PPM1E: variants seen among roughly 807,000 people sequenced by gnomAD.
PPM1E encodes protein phosphatase, Mg2+/Mn2+ dependent 1E.
Under a neutral mutation model 65.9 loss-of-function variants are expected in PPM1E, and 20 were observed. The ratio of observed to expected loss-of-function variants is 0.30; its 90% CI spans 0.21 to 0.44. PPM1E has a LOEUF of 0.44. Among genes scored for constraint, PPM1E ranks in the 20% least tolerant of loss-of-function variants. The pLI, the probability that PPM1E is intolerant of heterozygous loss-of-function variation, is 1.00. For synonymous variants in PPM1E, 352 were observed against 374.9 expected, an observed-to-expected ratio of 0.94 and a Z score of 0.70; for missense variants, 713 against 953.1, an observed-to-expected ratio of 0.75 and a Z score of 3.32.
chr17:58,870,873 C>G (rs2051061728), intron 1 of PPM1E, among the ~76,000 whole-genome samples: 1 of 152,058 alleles, frequency 6.6e-6, no homozygotes, highest in South Asian at 2.1e-4. Flanking sequence ...CTTGAATGAC[C>G]AAACAACTTA....
At chr17:58,922,027 G>A (rs1334207248) in intron 1 of PPM1E, among the ~76,000 whole-genome samples, 6 of 149,810 alleles carry the variant, frequency 4.0e-5, no homozygotes, top group African/African-American at 9.9e-5. Context: ...GCAACAGAGC[G>A]AGACTCCATC....
At chr17:58,762,473 AG>A (rs973091358) in intron 1 of PPM1E, among the ~76,000 whole-genome samples, 2 of 152,044 alleles carry the variant, frequency 1.3e-5, no homozygotes, top group African/African-American at 4.8e-5. Flanking sequence ...AAAAAAAAAA[AG>A]TTTCTATGAC....
intron 1 of PPM1E, among the ~76,000 whole-genome samples, chr17:58,948,378 T>C (rs1018992136): frequency 2.0e-5 from 3 of 152,174 alleles, no homozygotes; most frequent in Non-Finnish European, 4.4e-5. Context: ...AATCCCATTA[T>C]GGTATTAGGC....
chr17:58,922,750 T>C (rs1221365883), intron 1 of PPM1E, among the ~76,000 whole-genome samples: 2 of 150,496 alleles, frequency 1.3e-5, no homozygotes, highest in African/African-American at 4.9e-5. Flanking sequence ...AGTGGTGCGA[T>C]CTCGGCTCAC....
Position 58,981,888 on chromosome 17 carries a change from TACACTATA to T in PPM1E, c.*858_*865del, listed in dbSNP as rs2031374520. The T allele has an allele frequency of 1.3e-5, 2 of 152,666 alleles. No individual in the cohort carries two copies. Among genetic ancestry groups the T allele is most frequent in the East Asian group, 3.8e-4 (2 of 5,204 alleles). 9.5% of individuals were successfully genotyped at this position (152,666 alleles called of 1,614,324 possible). A position where few individuals can be genotyped will look rare whatever the true frequency, so the allele number is the denominator to read the frequency against. ...TAACGGAGATGATGTCAGGTACAAATACACTATAGAGTCAAAATACCATTTACAAAGAA... is the reference window on the plus strand; with the variant it reads ...TAACGGAGATGATGTCAGGTACAAATGAGTCAAAATACCATTTACAAAGAA... On this transcript the variant is annotated 3_prime_UTR_variant, in exon 7 of 7. Transcript: ENST00000308249.
chr17:58,816,735 AATATAAATATATATATATATATATATAT>A (rs1567841943), intron 1 of PPM1E, among the ~76,000 whole-genome samples: 29 of 111,812 alleles, frequency 2.6e-4, no homozygotes, highest in Non-Finnish European at 3.6e-4. Flanking sequence ...CATGTATCAG[AATATAAATATATATATATATATATATAT>A]ATATATATAT....
rs557440997 is a variant in PPM1E, at chr17:58,932,460, C to T, written c.465-23189C>T. Among the ~76,000 whole-genome samples the T allele has an allele frequency of 3.3e-5, 5 of 152,078 alleles. No individual in the cohort carries two copies. In the East Asian group the frequency reaches 5.8e-4, roughly 18 times the overall value. On this transcript the variant is annotated intron_variant, in intron 1 of 6. Transcript: ENST00000308249. Reference sequence around the variant, plus strand: ...CTCCAGCCTAGGCAACAGAGCAAGACGCTGTCTCAAAAACAAACAAACCAC... The same window carrying T: ...CTCCAGCCTAGGCAACAGAGCAAGATGCTGTCTCAAAAACAAACAAACCAC...
At chr17:58,785,323 T>A (rs1196751944) in intron 1 of PPM1E, 3 of 125,756 alleles carry the variant, frequency 2.4e-5, no homozygotes, top group Non-Finnish European at 4.7e-5. Flanking sequence ...TTATTTATTT[T>A]GAGACAGAGT....
At chr17:58,794,043 A>G (rs909041473) in intron 1 of PPM1E, among the ~76,000 whole-genome samples, 4 of 152,116 alleles carry the variant, frequency 2.6e-5, no homozygotes, top group Non-Finnish European at 5.9e-5. Context: ...CCTGGGTTCA[A>G]GCAATTCTCC....
intron 1 of PPM1E, among the ~76,000 whole-genome samples, chr17:58,779,665 TAA>T (rs899990598): frequency 6.6e-6 from 1 of 152,208 alleles, no homozygotes; most frequent in African/African-American, 2.4e-5. Flanking sequence ...TAGATGTATT[TAA>T]AAGTGTATGT....
rs58085347 is a variant in PPM1E, at chr17:58,766,608, C to A, written c.464+10147C>A. ...ATATTGTACTATATGTGTGTGTATA[C>A]ACACACACACACACACACACACACA... On this transcript the variant is annotated intron_variant, in intron 1 of 6. Coordinates refer to ENST00000308249, the MANE Select transcript of PPM1E (RefSeq NM_014906.5). Among the ~76,000 whole-genome samples the A allele has an allele frequency of 7.2e-5, 6 of 82,866 alleles. 1 individual carries two copies. The highest frequency in any genetic ancestry group is 6.6e-4 in the Admixed American group (6 of 9,028). The allele number at this position is 82,866 out of a possible 152,430, so 54.4% of individuals were successfully genotyped here.
chr17:58,957,093 A>C (rs537507016), intron 2 of PPM1E, among the ~76,000 whole-genome samples: 1 of 152,348 alleles, frequency 6.6e-6, no homozygotes, highest in South Asian at 2.1e-4. Context: ...CCTTATAATG[A>C]AAAGATAGAT....
At chr17:58,937,034 C>T (rs892632667) in intron 1 of PPM1E, among the ~76,000 whole-genome samples, 1 of 151,738 alleles carries the variant, frequency 6.6e-6, no homozygotes, top group African/African-American at 2.4e-5. Context: ...CGGTGGCTCA[C>T]GCCTGTAATC....
chr17:58,969,777 A>C, intron 4 of PPM1E, 50 bp downstream of exon 4: 1 of 1,572,488 alleles, frequency 6.4e-7, no homozygotes, highest in East Asian at 2.2e-5. Context: ...AGCTGAGCTC[A>C]ATTTGGTCTG....
At chr17:58,850,941 C>T (rs974584263) in intron 1 of PPM1E, among the ~76,000 whole-genome samples, 6 of 152,184 alleles carry the variant, frequency 3.9e-5, no homozygotes, top group South Asian at 2.1e-4. Context: ...GGTCTTTTCA[C>T]GTAGTCCCAT....
rs1214027988 is a variant in PPM1E, at chr17:58,795,842, A to G, written c.464+39381A>G. 2.0e-5 allele frequency among the ~76,000 whole-genome samples: 3 copies of G among 152,076 alleles called. No homozygotes were observed. The East Asian group carries it at 5.8e-4, about 29-fold the overall frequency. On this transcript the variant is annotated intron_variant, in intron 1 of 6. Coordinates refer to ENST00000308249, the MANE Select transcript of PPM1E (RefSeq NM_014906.5). ...TGGGTACATGTATGTCTTTTTTTGA[A>G]GTGTCTGTTCATATCCTTTGCCCAC...
At chr17:58,954,746 C>T (rs1779033829) in intron 1 of PPM1E, among the ~76,000 whole-genome samples, 1 of 151,956 alleles carries the variant, frequency 6.6e-6, no homozygotes, top group Non-Finnish European at 1.5e-5. Flanking sequence ...GGCATGGTGA[C>T]ATACACCTGT....
intron 1 of PPM1E, among the ~76,000 whole-genome samples, chr17:58,785,926 T>C (rs529817747): frequency 6.6e-6 from 1 of 151,932 alleles, no homozygotes; most frequent in Non-Finnish European, 1.5e-5. Context: ...TTTCATGGGG[T>C]TGGGGGAAGA....
rs938699888 is a variant in PPM1E, at chr17:58,899,408, T to C, written c.465-56241T>C. ...CCCTCAAGCATGATGACCTATTACA[T>C]GGAATTTGCAAAGCTGCCAAAACCT... is the stretch of plus-strand genomic sequence containing the variant. On this transcript the variant is annotated intron_variant, in intron 1 of 6. Transcript: ENST00000308249. The C allele has an allele frequency of 1.7e-5, 3 of 180,346 alleles. No homozygotes were observed. In the Admixed American group the frequency reaches 1.7e-4, roughly 10 times the overall value. 11.2% of individuals were successfully genotyped at this position (180,346 alleles called of 1,614,324 possible).
Sources: allele counts gnomAD v4.1 joint callset (sites outside exome capture counted in the v4.1 genomes callset), GRCh38; gene constraint gnomAD v4.1.1; transcripts MANE v1.5; gene names NCBI Gene and HGNC (gene_info 2026-07-23, HGNC 2026-07-21).